Variants in ZNF16 observed in about 807,000 individuals in gnomAD.
ZNF16 encodes the protein zinc finger protein 16.
In ZNF16, 7 loss-of-function variants were observed where a neutral mutation model predicts 9.0. That is an observed-to-expected ratio of 0.78 (90% CI 0.44 to 1.47). ZNF16 has a LOEUF of 1.47. ZNF16 is among the 40% of genes most tolerant of loss of function. ZNF16 has a pLI of 0.01. For synonymous variants in ZNF16, 312 were observed against 301.5 expected, an observed-to-expected ratio of 1.03 and a Z score of -0.36; for missense variants, 830 against 854.2, an observed-to-expected ratio of 0.97 and a Z score of 0.35.
intron 2 of ZNF16, among the ~76,000 whole-genome samples, chr8:144,938,904 T>C (rs7842964): frequency 0.27 from 41,453 of 151,946 alleles, 5,719 homozygotes; most frequent in East Asian, 0.38. Flanking sequence ...CAGGAGGTCC[T>C]CTTCTATTAC....
At chr8:144,944,348 GCATGA>G (rs1833876608) in intron 2 of ZNF16, 2 of 152,392 alleles carry the variant, frequency 1.3e-5, no homozygotes, top group African/African-American at 4.8e-5. Context: ...GGGATGACAG[GCATGA>G]GCCACCGTGG....
chr8:144,949,854 C>G (rs542887339), intron 1 of ZNF16, among the ~76,000 whole-genome samples: 2 of 152,124 alleles, frequency 1.3e-5, no homozygotes, highest in East Asian at 1.9e-4. Flanking sequence ...AAGACCTGAC[C>G]GTCCCCCAGC....
chr8:144,937,141 C>CT (rs1833703218), intron 2 of ZNF16, among the ~76,000 whole-genome samples: 1 of 93,010 alleles, frequency 1.1e-5, no homozygotes, highest in African/African-American at 3.6e-5. Flanking sequence ...TTCTTTCTCT[C>CT]TCTTTTTTTT....
chr8:144,948,929 A>C (rs1834025217), intron 1 of ZNF16, among the ~76,000 whole-genome samples: 1 of 152,228 alleles, frequency 6.6e-6, no homozygotes, highest in Non-Finnish European at 1.5e-5. Context: ...ACCCTGGTGG[A>C]CCCAATCTAA....
Position 144,931,904 on chromosome 8 carries a change from A to G in ZNF16, c.883T>C (p.Cys295Arg). 6.2e-7 allele frequency: 1 copy of G among 1,614,178 alleles called. No homozygotes were observed. The highest frequency in any genetic ancestry group is 8.5e-7 in the Non-Finnish European group (1 of 1,180,034). The change falls in exon 3 of 3, where the codon TGT (cysteine) becomes CGT (arginine). Residue 295 changes from cysteine to arginine, a missense_variant. Coordinates refer to ENST00000394909, the MANE Select transcript of ZNF16 (RefSeq NM_006958.3). ...CTGAAGGCTTTTCCACATTCATTAC[A>G]CATATAAGGCCTCTCACTGCTGTGG... ...SHHSSERPYM[C>R]NECGKAFSQN...
chr8:144,942,751 A>G (rs1164202509), intron 2 of ZNF16, among the ~76,000 whole-genome samples: 1 of 152,196 alleles, frequency 6.6e-6, no homozygotes, highest in Non-Finnish European at 1.5e-5. Context: ...ACCTTTATAC[A>G]TAGTGGGGTA....
intron 1 of ZNF16, among the ~76,000 whole-genome samples, chr8:144,947,192 C>T (rs1318863680): frequency 2.3e-5 from 3 of 129,842 alleles, no homozygotes; most frequent in African/African-American, 9.7e-5. Context: ...CTGCTGTGGG[C>T]CTGTGTCCTG....
Position 144,932,575 on chromosome 8 carries a change from G to A in ZNF16, c.212C>T (p.Thr71Ile), listed in dbSNP as rs1478384524. Residue 71 changes from threonine (T) to isoleucine (I), a missense_variant, in exon 3 of 3, where the codon ACT becomes ATT. Thr to Ile is a moderately conservative substitution (Grantham distance 89). Transcript: ENST00000394909. The surrounding 1 kb of genome is among the most constrained non-coding windows in gnomAD (Gnocchi z 5.0). ...HYQQPDCDTR[T>I]EDKEFLHKED... Reference sequence around the variant, plus strand: ...CTTGTGAAGAAACTCCTTGTCTTCAGTCCTGGTGTCACAATCTGAAACAAT... The same window carrying A: ...CTTGTGAAGAAACTCCTTGTCTTCAATCCTGGTGTCACAATCTGAAACAAT... 1.5e-5 allele frequency: 24 copies of A among 1,612,522 alleles called. No homozygotes were observed. The highest frequency in any genetic ancestry group is 2.0e-5 in the Non-Finnish European group (24 of 1,179,426).
intron 2 of ZNF16, among the ~76,000 whole-genome samples, chr8:144,939,200 T>C (rs1833747268): frequency 6.6e-6 from 1 of 152,204 alleles, no homozygotes; most frequent in Admixed American, 6.5e-5. Context: ...AAGCCATATC[T>C]TTATCTGGCT....
rs1175446769 is a variant in ZNF16 at position 144,945,833 on chromosome 8, CA to C, written c.196+177del. ...GAAATCACAGTTCTGCTCAAGGTGC[CA>C]GGGGCCAGGCTAGGTTAACTTCCTT... is the stretch of plus-strand genomic sequence containing the variant. On this transcript the variant is annotated intron_variant, in intron 2 of 2. Coordinates refer to ENST00000394909, the MANE Select transcript of ZNF16 (RefSeq NM_006958.3). The C allele has an allele frequency of 2.0e-5, 25 of 1,268,960 alleles. No individual in the cohort carries two copies. The African/African-American group carries it at 3.4e-4, about 18-fold the overall frequency. 78.6% of individuals were successfully genotyped at this position (1,268,960 alleles called of 1,614,324 possible).
intron 2 of ZNF16, among the ~76,000 whole-genome samples, chr8:144,942,234 T>A (rs1833819739): frequency 6.8e-6 from 1 of 146,890 alleles, no homozygotes; most frequent in Non-Finnish European, 1.5e-5. Flanking sequence ...CGCCTCGGCC[T>A]CCCAAAGTGC....
rs1430706509 is a variant in ZNF16 at position 144,930,635 on chromosome 8, G to A, written c.*103C>T. 2.3e-6 allele frequency: 3 copies of A among 1,328,452 alleles called. No individual in the cohort carries two copies. Among genetic ancestry groups the A allele is most frequent in the African/African-American group, 1.5e-5 (1 of 68,154 alleles). 82.3% of individuals were successfully genotyped at this position (1,328,452 alleles called of 1,614,324 possible). A position where few individuals can be genotyped will look rare whatever the true frequency, so the allele number is the denominator to read the frequency against. On this transcript the variant is annotated 3_prime_UTR_variant, in exon 3 of 3. Coordinates refer to ENST00000394909, the MANE Select transcript of ZNF16 (RefSeq NM_006958.3). ...GGCCACTGGATGTAGGCAGTGAGCT[G>A]AGTCCAGGCTTTCGGTCTGGGAAGT...
chr8:144,950,046 T>A (rs2956169), intron 1 of ZNF16, among the ~76,000 whole-genome samples: 1 of 152,088 alleles, frequency 6.6e-6, no homozygotes, highest in Non-Finnish European at 1.5e-5. Flanking sequence ...TGGTGAGAGG[T>A]GAGACATGTT....
At position 144,933,504 on chromosome 8, in the gene ZNF16, T is replaced by C. The variant is rs984928353; in HGVS notation, c.197-914A>G. On this transcript the variant is annotated intron_variant, in intron 2 of 2. Transcript: ENST00000394909. This position sits in a 1 kb window ranked among gnomAD's most constrained non-coding sequence, Gnocchi z 5.6. ...CACCTGCAGAACAAAGAAACCCTCATGTCCCTGTGTCCCTTACTCAAATGA... is the reference window on the plus strand; with the variant it reads ...CACCTGCAGAACAAAGAAACCCTCACGTCCCTGTGTCCCTTACTCAAATGA... Among the ~76,000 whole-genome samples the C allele has an allele frequency of 2.6e-5, 4 of 152,130 alleles. No individual in the cohort carries two copies. The highest frequency in any genetic ancestry group is 5.9e-5 in the Non-Finnish European group (4 of 68,022).
At chr8:144,941,152 A>G (rs78425244) in intron 2 of ZNF16, among the ~76,000 whole-genome samples, 7,502 of 152,106 alleles carry the variant, frequency 0.049, 430 homozygotes, top group African/African-American at 0.14. Context: ...TGTTCTATCC[A>G]TTTTTCAAAG....
chr8:144,934,384 CCTTT>C (rs1554658874), intron 2 of ZNF16, among the ~76,000 whole-genome samples: 1 of 152,244 alleles, frequency 6.6e-6, no homozygotes, highest in Non-Finnish European at 1.5e-5. Context: ...GATGTGGGTG[CCTTT>C]CTTTACCACC....
Position 144,930,553 on chromosome 8 carries a change from G to C in ZNF16, c.*185C>G, listed in dbSNP as rs903854149. 3.3e-6 allele frequency: 2 copies of C among 608,678 alleles called. No individual in the cohort carries two copies. Among genetic ancestry groups the C allele is most frequent in the Admixed American group, 6.1e-5 (2 of 32,578 alleles). 37.7% of individuals were successfully genotyped at this position (608,678 alleles called of 1,614,324 possible). A position where few individuals can be genotyped will look rare whatever the true frequency, so the allele number is the denominator to read the frequency against. Reference sequence around the variant, plus strand: ...CAAGACATCACAAGAGGCAAGAGCAGTGGCAGTGAGAAGGGAGCCTGTAAA... The same window carrying C: ...CAAGACATCACAAGAGGCAAGAGCACTGGCAGTGAGAAGGGAGCCTGTAAA... On this transcript the variant is annotated 3_prime_UTR_variant, in exon 3 of 3. Coordinates refer to ENST00000394909, the MANE Select transcript of ZNF16 (RefSeq NM_006958.3).
At chr8:144,942,472 G>A (rs1833827824) in intron 2 of ZNF16, among the ~76,000 whole-genome samples, 1 of 151,398 alleles carries the variant, frequency 6.6e-6, no homozygotes, top group African/African-American at 2.4e-5. Flanking sequence ...ATTTTTAGTA[G>A]AGACAGGGTT....
In ZNF16 at chr8:144,932,556, A is replaced by G. The variant is rs183931524; in HGVS notation, c.231T>C (p.Leu77=). ...CDTRTEDKEF[L]HKEDIHEDLE... ...AATCTTCATGAATGTCTTCCTTGTG[A>G]AGAAACTCCTTGTCTTCAGTCCTGG... is the stretch of plus-strand genomic sequence containing the variant. The change falls in exon 3 of 3, where the codon CTT becomes CTC. Residue 77 remains leucine, a synonymous_variant. Coordinates refer to ENST00000394909, the MANE Select transcript of ZNF16 (RefSeq NM_006958.3). The surrounding 1 kb of genome is among the most constrained non-coding windows in gnomAD (Gnocchi z 5.0). The G allele has an allele frequency of 1.3e-5, 21 of 1,614,016 alleles. No homozygotes were observed. In the East Asian group the frequency reaches 4.7e-4, roughly 36 times the overall value.
Sources: allele counts gnomAD v4.1 joint callset (sites outside exome capture counted in the v4.1 genomes callset), GRCh38; gene constraint gnomAD v4.1.1; non-coding constraint Gnocchi (gnomAD v3.1); transcripts MANE v1.5; gene names NCBI Gene and HGNC (gene_info 2026-07-23, HGNC 2026-07-21).